Variants in FAM89A observed in about 807,000 individuals in gnomAD.
The protein encoded by FAM89A is protein FAM89A.
Under a neutral mutation model 7.1 loss-of-function variants are expected in FAM89A, and 10 were observed. The ratio of observed to expected loss-of-function variants is 1.40; its 90% CI spans 0.86 to 2.38. FAM89A has a LOEUF of 2.38. Ranked by LOEUF, FAM89A falls within the 30% of genes most tolerant of loss-of-function variation. FAM89A has a pLI of 0.00. For synonymous variants in FAM89A, 157 were observed against 129.3 expected (o/e 1.21, Z -1.45); for missense variants, 276 against 262.8 (o/e 1.05, Z -0.35).
chr1:231,035,572 C>T (rs568417091), intron 1 of FAM89A, among the ~76,000 whole-genome samples: 79 of 152,240 alleles, frequency 5.2e-4, no homozygotes, highest in African/African-American at 1.8e-3. Context: ...TAACCTCGCA[C>T]GGGTGCTGGG....
Position 231,021,815 on chromosome 1 carries a change from A to G in FAM89A, c.292-1689T>C, listed in dbSNP as rs574302591. On this transcript the variant is annotated intron_variant, in intron 1 of 1. Coordinates refer to ENST00000366654, the MANE Select transcript of FAM89A (RefSeq NM_198552.3). ...TCTGACTCACAATGACTCTGTTGTGATTGTTGACAAAAGAAGAAGACCAAG... is the reference window on the plus strand; with the variant it reads ...TCTGACTCACAATGACTCTGTTGTGGTTGTTGACAAAAGAAGAAGACCAAG... 4 of 1,602,136 alleles carry G rather than the reference A, an allele frequency of 2.5e-6. No homozygotes were observed. The African/African-American group carries it at 4.0e-5, about 16-fold the overall frequency.
At chr1:231,026,628 GTTC>G (rs1336504017) in intron 1 of FAM89A, 1 of 152,168 alleles carries the variant, frequency 6.6e-6, no homozygotes, top group Non-Finnish European at 1.5e-5. Context: ...CCAAACCTGT[GTTC>G]TTCTCTCCAA....
At chr1:231,032,389 C>T (rs1206647484) in intron 1 of FAM89A, among the ~76,000 whole-genome samples, 1 of 126,948 alleles carries the variant, frequency 7.9e-6, no homozygotes, top group Non-Finnish European at 1.7e-5. Context: ...CCCGCCAGCC[C>T]CCACCCCCCA....
At chr1:231,037,477 TGTTTCACATTA>T (rs1680176927) in intron 1 of FAM89A, among the ~76,000 whole-genome samples, 1 of 152,204 alleles carries the variant, frequency 6.6e-6, no homozygotes, top group South Asian at 2.1e-4. Flanking sequence ...ACATGAGTCT[TGTTTCACATTA>T]GCAAGCCCCC....
At chr1:231,025,332 T>C (rs1572354778) in intron 1 of FAM89A, among the ~76,000 whole-genome samples, 1 of 152,076 alleles carries the variant, frequency 6.6e-6, no homozygotes. Context: ...TGTGGCTTGG[T>C]TGAGGTCCCG....
At chr1:231,029,029 C>G (rs1158296420) in intron 1 of FAM89A, among the ~76,000 whole-genome samples, 1 of 152,216 alleles carries the variant, frequency 6.6e-6, no homozygotes, top group Non-Finnish European at 1.5e-5. Flanking sequence ...CTGAGTATCT[C>G]TGGAGGCTGC....
chr1:231,040,052 A>ACAGC lies in FAM89A; in HGVS notation c.156_159dup (p.Tyr54AlafsTer92). ...TCCTGGATGCGCGACTTCTGCGCGTACAGCCGCTCCAGGTGCCGCCAGCCC... is the reference window on the plus strand; with the variant it reads ...TCCTGGATGCGCGACTTCTGCGCGTACAGCCAGCCGCTCCAGGTGCCGCCAGCCC... On this transcript the variant is annotated frameshift_variant, in exon 1 of 2. Coordinates refer to ENST00000366654, the MANE Select transcript of FAM89A (RefSeq NM_198552.3). LOFTEE classifies it high-confidence loss of function. 6.9e-7 allele frequency: 1 copy of ACAGC among 1,446,630 alleles called. No individual in the cohort carries two copies. Among genetic ancestry groups the ACAGC allele is most frequent in the South Asian group, 1.4e-5 (1 of 73,786 alleles). 89.6% of individuals were successfully genotyped at this position (1,446,630 alleles called of 1,614,324 possible).
At chr1:231,021,724 C>T (rs753851061) in intron 1 of FAM89A, 13 of 1,597,872 alleles carry the variant, frequency 8.1e-6, no homozygotes, top group East Asian at 2.2e-5. Context: ...CCATAGAACT[C>T]GTGGAAACTG....
chr1:231,021,889 G>A (rs922147292), intron 1 of FAM89A: 128 of 1,567,480 alleles, frequency 8.2e-5, no homozygotes, highest in Non-Finnish European at 1.0e-4. Context: ...GCTGCATGGT[G>A]AGCAGTGACG....
intron 1 of FAM89A, chr1:231,026,777 C>T (rs1397914134): frequency 6.6e-6 from 1 of 152,168 alleles, no homozygotes; most frequent in Non-Finnish European, 1.5e-5. Flanking sequence ...CAACATGCCC[C>T]CAGGAGTCTG....
intron 1 of FAM89A, among the ~76,000 whole-genome samples, 175 bp from the exon 2 acceptor site, chr1:231,020,301 T>C (rs560874428): frequency 7.2e-5 from 11 of 152,194 alleles, no homozygotes; most frequent in Non-Finnish European, 1.3e-4. Context: ...TTAATTGTGT[T>C]ATGCCCATAC....
chr1:231,030,885 G>A (rs1187847917), intron 1 of FAM89A, among the ~76,000 whole-genome samples: 1 of 152,170 alleles, frequency 6.6e-6, no homozygotes, highest in African/African-American at 2.4e-5. Context: ...CAAGACAGGT[G>A]GAGCACTTGA....
At chr1:231,021,576 T>C in intron 1 of FAM89A, 3 of 1,271,934 alleles carry the variant, frequency 2.4e-6, no homozygotes, top group Non-Finnish European at 1.1e-6. Flanking sequence ...ATCACTTCCT[T>C]TTCTGTTAGG....
intron 1 of FAM89A, among the ~76,000 whole-genome samples, chr1:231,024,914 C>CTTTTTT (rs60500715): frequency 1.6e-5 from 1 of 63,410 alleles, no homozygotes; most frequent in Non-Finnish European, 3.0e-5. Context: ...CACAACTACT[C>CTTTTTT]TTTTTTTTTT....
In FAM89A at chr1:231,019,918, A is replaced by C; in HGVS notation, c.500T>G (p.Leu167Trp). 6.2e-7 allele frequency: 1 copy of C among 1,614,174 alleles called. No individual in the cohort carries two copies. The highest frequency in any genetic ancestry group is 2.2e-5 in the East Asian group (1 of 44,856). Reference protein sequence around the residue: ...DRRDRGPPRDLSLPVSSLSSS... With the variant: ...DRRDRGPPRDWSLPVSSLSSS... ...GGAGAGGGAGGAGACAGGCAGTGAC[A>C]AGTCCCGAGGAGGGCCTCGGTCCCT... The change falls in exon 2 of 2, where the codon TTG becomes TGG. Residue 167 changes from leucine (L) to tryptophan (W), a missense_variant. By Grantham distance (61) the Leu-to-Trp change is moderately conservative. Transcript: ENST00000366654.
intron 1 of FAM89A, among the ~76,000 whole-genome samples, chr1:231,037,706 G>C (rs1680181435): frequency 6.6e-6 from 1 of 152,096 alleles, no homozygotes; most frequent in African/African-American, 2.4e-5. Context: ...GGCCCTTCTT[G>C]CTCACATTTC....
chr1:231,022,949 T>A (rs1037399975), intron 1 of FAM89A, among the ~76,000 whole-genome samples: 1 of 152,016 alleles, frequency 6.6e-6, no homozygotes, highest in African/African-American at 2.4e-5. Context: ...CCAGCGTCCT[T>A]CACCTGGCAC....
intron 1 of FAM89A, among the ~76,000 whole-genome samples, chr1:231,028,101 G>A (rs921934599): frequency 2.0e-5 from 3 of 152,330 alleles, no homozygotes; most frequent in Non-Finnish European, 2.9e-5. Context: ...CAGAGAACAC[G>A]TAGCCGCAGA....
At chr1:231,035,072 C>G (rs1353037774) in intron 1 of FAM89A, among the ~76,000 whole-genome samples, 2 of 152,194 alleles carry the variant, frequency 1.3e-5, no homozygotes, top group Non-Finnish European at 2.9e-5. Flanking sequence ...CAATCACAGC[C>G]TCTTAAAGAC....
Sources: allele counts gnomAD v4.1 joint callset (sites outside exome capture counted in the v4.1 genomes callset), GRCh38; gene constraint gnomAD v4.1.1; transcripts MANE v1.5; gene names NCBI Gene and HGNC (gene_info 2026-07-23, HGNC 2026-07-21).